SLC39A11: variants seen among roughly 807,000 people sequenced by gnomAD.
SLC39A11 encodes solute carrier family 39 member 11.
A neutral mutation model predicts 36.1 loss-of-function variants in SLC39A11; 33 were observed. The observed-to-expected ratio is 0.91, with a 90% CI of 0.69 to 1.22. The LOEUF (loss-of-function observed/expected upper bound fraction) is 1.22, where lower values mean the gene tolerates loss of function less well. SLC39A11 is among the 50% of genes most tolerant of loss of function. The probability of loss-of-function intolerance (pLI) is 0.00; values close to 1 mark genes in which losing one functional copy is unlikely to be tolerated. For synonymous variants in SLC39A11, 166 were observed against 170.3 expected, an observed-to-expected ratio of 0.97 and a Z score of 0.20; for missense variants, 432 against 430.3, an observed-to-expected ratio of 1.00 and a Z score of -0.03.
At chr17:73,039,338 A>G (rs1266340115) in intron 3 of SLC39A11, among the ~76,000 whole-genome samples, 1 of 152,016 alleles carries the variant, frequency 6.6e-6, no homozygotes, top group African/African-American at 2.4e-5. Flanking sequence ...CCATAACACT[A>G]GATTCATCAC....
intron 6 of SLC39A11, among the ~76,000 whole-genome samples, chr17:72,776,353 C>T (rs956108183): frequency 6.6e-6 from 1 of 152,192 alleles, no homozygotes. Context: ...ATTTGTTACT[C>T]TCCTAATAAA....
At chr17:72,996,477 T>C (rs534304305) in intron 4 of SLC39A11, among the ~76,000 whole-genome samples, 34 of 152,280 alleles carry the variant, frequency 2.2e-4, no homozygotes, top group South Asian at 4.1e-4. Context: ...CCATTTTCTC[T>C]CCAAAGGCTT....
At chr17:72,935,142 A>C (rs1280235063) in intron 5 of SLC39A11, among the ~76,000 whole-genome samples, 1 of 152,238 alleles carries the variant, frequency 6.6e-6, no homozygotes, top group Admixed American at 6.5e-5. Flanking sequence ...GTGAAAGTAA[A>C]CAAATTGTGG....
intron 6 of SLC39A11, among the ~76,000 whole-genome samples, chr17:72,791,630 GCT>G (rs2076707582): frequency 6.6e-6 from 1 of 152,158 alleles, no homozygotes; most frequent in Non-Finnish European, 1.5e-5. Flanking sequence ...ATATAGTGTG[GCT>G]CTGTGTCCCC....
At chr17:72,899,063 G>T (rs971141106) in intron 5 of SLC39A11, among the ~76,000 whole-genome samples, 5 of 152,186 alleles carry the variant, frequency 3.3e-5, no homozygotes, top group Admixed American at 6.5e-5. Flanking sequence ...CAGGAACTCC[G>T]CTGGCTCTTA....
At chr17:72,847,969 T>C (rs1160009808) in intron 6 of SLC39A11, among the ~76,000 whole-genome samples, 2 of 152,172 alleles carry the variant, frequency 1.3e-5, no homozygotes, top group Non-Finnish European at 2.9e-5. Context: ...TGGGGAAGAT[T>C]ATTGCTCAAA....
intron 6 of SLC39A11, among the ~76,000 whole-genome samples, chr17:72,826,660 T>G (rs77871078): frequency 0.011 from 1,680 of 152,316 alleles, 28 homozygotes; most frequent in African/African-American, 0.037. Context: ...TAAGCTTGAT[T>G]GGATATACAT....
chr17:72,988,408 A>C (rs1293164879), intron 4 of SLC39A11, among the ~76,000 whole-genome samples: 1 of 152,200 alleles, frequency 6.6e-6, no homozygotes, highest in East Asian at 1.9e-4. Context: ...CTGCAGTCAG[A>C]CAAGATCACA....
In SLC39A11 at chr17:72,779,110, G is replaced by T. The variant is rs112322866; in HGVS notation, c.602-42391C>A. ...CACAAGAAAAAGATTTTCACTTAGTGTCCACCTGTGTTTTCTCCAGTTGGC... is the reference window on the plus strand; with the variant it reads ...CACAAGAAAAAGATTTTCACTTAGTTTCCACCTGTGTTTTCTCCAGTTGGC... On this transcript the variant is annotated intron_variant, in intron 6 of 9. Transcript: ENST00000255559. Among the ~76,000 whole-genome samples, 1,266 of 152,296 alleles carry T rather than the reference G, an allele frequency of 8.3e-3. 19 individuals carry two copies. Among genetic ancestry groups the T allele is most frequent in the African/African-American group, 0.029 (1,202 of 41,568 alleles).
chr17:73,047,993 ATATATATATATATATATATAT>A (rs2059373264), intron 3 of SLC39A11, among the ~76,000 whole-genome samples: 553 of 54,986 alleles, frequency 0.01, 23 homozygotes, highest in African/African-American at 0.027. Context: ...AAAAAAAAAT[ATATATATATATATATATATAT>A]ATATATATAT....
At chr17:72,974,850 T>C (rs1323135436) in intron 4 of SLC39A11, among the ~76,000 whole-genome samples, 2 of 152,214 alleles carry the variant, frequency 1.3e-5, no homozygotes, top group Non-Finnish European at 2.9e-5. Context: ...TTTTATACCA[T>C]GTTTTTACTG....
intron 4 of SLC39A11, among the ~76,000 whole-genome samples, chr17:73,005,497 G>A (rs1204725022): frequency 6.6e-6 from 1 of 152,196 alleles, no homozygotes; most frequent in Non-Finnish European, 1.5e-5. Context: ...GGCTGCTCAA[G>A]TGTCTCTGCG....
At chr17:72,832,332 C>T (rs78599760) in intron 6 of SLC39A11, among the ~76,000 whole-genome samples, 50 of 152,338 alleles carry the variant, frequency 3.3e-4, no homozygotes, top group Admixed American at 1.0e-3. Flanking sequence ...AGGGGCTTCA[C>T]ACACATACTG....
chr17:72,744,380 T>C (rs1414543297), intron 6 of SLC39A11, among the ~76,000 whole-genome samples: 3 of 152,158 alleles, frequency 2.0e-5, no homozygotes, highest in African/African-American at 7.2e-5. Flanking sequence ...TCTTCAGAGG[T>C]TGCCAAATGT....
chr17:72,929,424 T>A (rs1446295038), intron 5 of SLC39A11, among the ~76,000 whole-genome samples: 3 of 152,012 alleles, frequency 2.0e-5, no homozygotes, highest in Non-Finnish European at 4.4e-5. Context: ...TAGTCTCCTT[T>A]CCACAAAACG....
rs1470392890 is a variant in SLC39A11, at chr17:73,031,678, G to A, written c.184C>T (p.Pro62Ser). 3 of 1,614,040 alleles carry A rather than the reference G, an allele frequency of 1.9e-6. No individual in the cohort carries two copies. Among genetic ancestry groups the A allele is most frequent in the Non-Finnish European group, 2.5e-6 (3 of 1,180,022 alleles). ...LAASYWSLLA[P>S]AVEMATSSGG... ...GAGGACGTGGCCATCTCAACTGCTG[G>A]GGCCAGAAGAGACCAATAGGAAGCT... The change falls in exon 4 of 10, where the codon CCA (proline) becomes TCA (serine). Residue 62 changes from proline to serine, a missense_variant. By Grantham distance (74) the Pro-to-Ser change is moderately conservative (BLOSUM62 -1). Coordinates refer to ENST00000255559, the MANE Select transcript of SLC39A11 (RefSeq NM_139177.4).
intron 6 of SLC39A11, among the ~76,000 whole-genome samples, chr17:72,782,569 A>T (rs2076353922): frequency 6.6e-6 from 1 of 151,708 alleles, no homozygotes. Context: ...TACAGTTATA[A>T]TCCCGGTTAC....
At chr17:73,070,846 C>A (rs2060141979) in intron 3 of SLC39A11, among the ~76,000 whole-genome samples, 1 of 152,158 alleles carries the variant, frequency 6.6e-6, no homozygotes, top group Non-Finnish European at 1.5e-5. Context: ...CACTTTCTGC[C>A]ATGATTGTGA....
chr17:72,772,762 A>G (rs1483519945), intron 6 of SLC39A11, among the ~76,000 whole-genome samples: 3 of 152,220 alleles, frequency 2.0e-5, no homozygotes, highest in Admixed American at 2.0e-4. Flanking sequence ...AGGAGGATCC[A>G]AAGATTAGAG....
Sources: allele counts gnomAD v4.1 joint callset (sites outside exome capture counted in the v4.1 genomes callset), GRCh38; gene constraint gnomAD v4.1.1; transcripts MANE v1.5; gene names NCBI Gene and HGNC (gene_info 2026-07-23, HGNC 2026-07-21).